Variants in ZHX2 observed in about 807,000 individuals in gnomAD.
ZHX2 encodes zinc fingers and homeoboxes protein 2.
In ZHX2, 6 loss-of-function variants were observed where a neutral mutation model predicts 21.9. The observed-to-expected ratio is 0.27, with a 90% CI of 0.15 to 0.54. ZHX2 has a LOEUF of 0.54. Among genes scored for constraint, ZHX2 ranks in the 20% least tolerant of loss-of-function variants. The pLI is 0.95. For missense variants in ZHX2, 908 were observed against 1,090.7 expected (o/e 0.83, Z 2.36); for synonymous variants, 434 against 437.1 (o/e 0.99, Z 0.09).
At chr8:122,794,735 A>C (rs1563732649) in intron 1 of ZHX2, among the ~76,000 whole-genome samples, 1 of 152,066 alleles carries the variant, frequency 6.6e-6, no homozygotes, top group Non-Finnish European at 1.5e-5. Flanking sequence ...CCTCTTCCAC[A>C]TACCCCACAC....
At chr8:122,901,789 C>T (rs1394660561) in intron 2 of ZHX2, among the ~76,000 whole-genome samples, 1 of 152,094 alleles carries the variant, frequency 6.6e-6, no homozygotes, top group Non-Finnish European at 1.5e-5. Context: ...GCACTCATAT[C>T]CCAACCCCCA....
intron 2 of ZHX2, among the ~76,000 whole-genome samples, chr8:122,919,668 T>C (rs190844083): frequency 2.8e-3 from 419 of 152,308 alleles, no homozygotes; most frequent in Non-Finnish European, 4.7e-3. Context: ...CATTGAATCA[T>C]GACAACCGTC....
intron 2 of ZHX2, among the ~76,000 whole-genome samples, chr8:122,892,120 T>C (rs766461345): frequency 6.6e-6 from 1 of 152,210 alleles, no homozygotes; most frequent in Non-Finnish European, 1.5e-5. Flanking sequence ...TGAGTGCATA[T>C]ATATTTACAA....
intron 1 of ZHX2, among the ~76,000 whole-genome samples, chr8:122,799,848 C>CTTTTCT (rs1817682320): frequency 6.6e-6 from 1 of 152,254 alleles, no homozygotes; most frequent in South Asian, 2.1e-4. Flanking sequence ...ATTTGCTTTT[C>CTTTTCT]TTTTCTTTTT....
At chr8:122,959,946 T>C (rs1023280919) in intron 3 of ZHX2, among the ~76,000 whole-genome samples, 10 of 152,118 alleles carry the variant, frequency 6.6e-5, no homozygotes, top group Admixed American at 3.3e-4. Flanking sequence ...AGGAAGGATG[T>C]AGGTCCCAGG....
In ZHX2 at chr8:122,876,091, C is replaced by T. The variant is rs1819565144; in HGVS notation, c.-220+12552C>T. 2.0e-5 allele frequency among the ~76,000 whole-genome samples: 3 copies of T among 148,722 alleles called. No homozygotes were observed. The South Asian group carries it at 6.5e-4, about 32-fold the overall frequency. On this transcript the variant is annotated intron_variant, in intron 2 of 3. Transcript: ENST00000314393. ...TCCACCCACCCATCCCTCCATCCCT[C>T]CACCCACCTACTCACTCATCCATCC...
chr8:122,953,053 G>A lies in ZHX2; in HGVS notation c.1543G>A (p.Ala515Thr). 6.2e-7 allele frequency: 1 copy of A among 1,614,090 alleles called. No homozygotes were observed. Among genetic ancestry groups the A allele is most frequent in the South Asian group, 1.1e-5 (1 of 91,078 alleles). ...SLAKDQLAIA[A>T]SRHGRTYHAY... ...TGCCAAAGACCAGTTGGCCATCGCG[G>A]CCTCCCGACACGGTCGCACGTATCA... is the stretch of plus-strand genomic sequence containing the variant. Residue 515 changes from alanine to threonine, a missense_variant, in exon 3 of 4, where the codon GCC (alanine) becomes ACC (threonine). Around this residue, in one of 4 missense-constraint regions of ZHX2, gnomAD observed 431 missense variants for 428.6 expected, o/e 1.01. Coordinates refer to ENST00000314393, the MANE Select transcript of ZHX2 (RefSeq NM_014943.5). This position sits in a 1 kb window ranked among gnomAD's most constrained non-coding sequence, Gnocchi z 4.6.
At chr8:122,913,521 G>C (rs550481753) in intron 2 of ZHX2, among the ~76,000 whole-genome samples, 1 of 152,262 alleles carries the variant, frequency 6.6e-6, no homozygotes, top group Non-Finnish European at 1.5e-5. Context: ...GGCCTTAGTC[G>C]AGCCTGGTAA....
chr8:122,866,375 C>G (rs972774433), intron 2 of ZHX2, among the ~76,000 whole-genome samples: 1 of 152,164 alleles, frequency 6.6e-6, no homozygotes, highest in African/African-American at 2.4e-5. Context: ...TTGCATTCGC[C>G]TGAAACACTT....
intron 2 of ZHX2, among the ~76,000 whole-genome samples, chr8:122,908,138 G>GT (rs1313985099): frequency 1.3e-5 from 2 of 152,200 alleles, no homozygotes; most frequent in Non-Finnish European, 2.9e-5. Flanking sequence ...TCACAAGGCT[G>GT]TTGTGAGCAC....
At chr8:122,940,046 T>G (rs921188855) in intron 2 of ZHX2, among the ~76,000 whole-genome samples, 4 of 152,230 alleles carry the variant, frequency 2.6e-5, no homozygotes, top group African/African-American at 9.6e-5. Flanking sequence ...CTGCAGGAAC[T>G]GAGGTTAGCC....
chr8:122,840,237 A>G (rs904718413), intron 1 of ZHX2, among the ~76,000 whole-genome samples: 1 of 152,156 alleles, frequency 6.6e-6, no homozygotes, highest in African/African-American at 2.4e-5. Context: ...ATGATTAATT[A>G]TTGTAATTGC....
chr8:122,865,365 T>C (rs552958730), intron 2 of ZHX2, among the ~76,000 whole-genome samples: 1 of 152,152 alleles, frequency 6.6e-6, no homozygotes, highest in Non-Finnish European at 1.5e-5. Flanking sequence ...CCTGACCTCA[T>C]GATCCGCCCG....
At chr8:122,909,387 C>G (rs1029514398) in intron 2 of ZHX2, among the ~76,000 whole-genome samples, 1 of 150,972 alleles carries the variant, frequency 6.6e-6, no homozygotes, top group African/African-American at 2.4e-5. Context: ...GAATAAAGAT[C>G]GTGCCACTGC....
chr8:122,971,724 C>T (rs1157534927), intron 3 of ZHX2, among the ~76,000 whole-genome samples: 2 of 151,242 alleles, frequency 1.3e-5, no homozygotes, highest in Non-Finnish European at 2.9e-5. Context: ...ATCTGAAAAA[C>T]TTCTAGCCTG....
chr8:122,888,956 C>T (rs1288120084), intron 2 of ZHX2, among the ~76,000 whole-genome samples: 2 of 152,154 alleles, frequency 1.3e-5, no homozygotes, highest in African/African-American at 2.4e-5. Flanking sequence ...ATGAGATGAA[C>T]TTTATTAGCT....
chr8:122,817,365 C>T (rs559513209), intron 1 of ZHX2, among the ~76,000 whole-genome samples: 34 of 152,288 alleles, frequency 2.2e-4, no homozygotes, highest in Non-Finnish European at 3.4e-4. Context: ...AGACCTTTGC[C>T]CACTCAGGAT....
At chr8:122,792,867 T>G (rs1817545449) in intron 1 of ZHX2, among the ~76,000 whole-genome samples, 1 of 152,174 alleles carries the variant, frequency 6.6e-6, no homozygotes, top group Non-Finnish European at 1.5e-5. Context: ...TCCTTAAATT[T>G]TGCTTCCTGG....
chr8:122,959,171 C>T (rs1385306614), intron 3 of ZHX2, among the ~76,000 whole-genome samples: 1 of 152,172 alleles, frequency 6.6e-6, no homozygotes, highest in Admixed American at 6.5e-5. Context: ...TTCGCTGCCT[C>T]CTGATTTCTG....
Sources: allele counts gnomAD v4.1 joint callset (sites outside exome capture counted in the v4.1 genomes callset), GRCh38; gene constraint gnomAD v4.1.1; regional missense constraint gnomAD v4.1.1; non-coding constraint Gnocchi (gnomAD v3.1); transcripts MANE v1.5; gene names NCBI Gene and HGNC (gene_info 2026-07-23, HGNC 2026-07-21).